The following ADGRA3 variants were observed in gnomAD, a reference collection of about 807,000 sequenced individuals.
ADGRA3 encodes the protein G-protein coupled receptor 125.
Under a neutral mutation model 119.8 loss-of-function variants are expected in ADGRA3, and 56 were observed. That is an observed-to-expected ratio of 0.47 (90% confidence interval 0.38 to 0.58). The LOEUF is 0.58. ADGRA3 is among the 20% of genes least tolerant of loss of function. The pLI is 0.00. For synonymous variants in ADGRA3, 607 were observed against 623.8 expected, an observed-to-expected ratio of 0.97 and a Z score of 0.40; for missense variants, 1,516 against 1,649.0, an observed-to-expected ratio of 0.92 and a Z score of 1.40.
At chr4:22,466,159 C>T (rs1005710039) in intron 2 of ADGRA3, among the ~76,000 whole-genome samples, 3 of 152,164 alleles carry the variant, frequency 2.0e-5, no homozygotes, top group African/African-American at 7.2e-5. Flanking sequence ...CCAAGGATAC[C>T]CGTGGTCCCA....
chr4:22,515,474 A>T, intron 1 of ADGRA3, 54 bp downstream of exon 1: 2 of 1,572,274 alleles, frequency 1.3e-6, no homozygotes, highest in South Asian at 2.3e-5. Flanking sequence ...AGTTGAGCGG[A>T]GAGATAAGAA....
At chr4:22,480,334 C>A (rs1426989839) in intron 1 of ADGRA3, among the ~76,000 whole-genome samples, 3 of 152,074 alleles carry the variant, frequency 2.0e-5, no homozygotes, top group Non-Finnish European at 2.9e-5. Context: ...TGTGATCACA[C>A]ATTTTATATT....
intron 2 of ADGRA3, among the ~76,000 whole-genome samples, chr4:22,466,723 A>C (rs1236023235): frequency 6.6e-6 from 1 of 151,822 alleles, no homozygotes; most frequent in Non-Finnish European, 1.5e-5. Context: ...AAAAAAAAAA[A>C]CTTGTGAACA....
At chr4:22,409,512 TA>T (rs1416523913) in intron 14 of ADGRA3, among the ~76,000 whole-genome samples, 1 of 152,200 alleles carries the variant, frequency 6.6e-6, no homozygotes, top group Non-Finnish European at 1.5e-5. Context: ...GCATGGCATT[TA>T]ACCTCTCTCT....
chr4:22,458,480 T>C (rs13109198), intron 3 of ADGRA3, among the ~76,000 whole-genome samples: 1 of 152,168 alleles, frequency 6.6e-6, no homozygotes, highest in Non-Finnish European at 1.5e-5. Context: ...TCCAGACTCT[T>C]GGTCGGTGTT....
chr4:22,510,493 T>C lies in ADGRA3; in HGVS notation c.257+5035A>G, dbSNP rs374155871. ...TCAGCCTCCTGTTCATGTTCCTCTATGTTCTAGTGTGGTTCTGCCTGGGTC... is the reference window on the plus strand; with the variant it reads ...TCAGCCTCCTGTTCATGTTCCTCTACGTTCTAGTGTGGTTCTGCCTGGGTC... On this transcript the variant is annotated intron_variant, in intron 1 of 18. Coordinates refer to ENST00000334304, the MANE Select transcript of ADGRA3 (RefSeq NM_145290.4). Among the ~76,000 whole-genome samples, 27 of 152,148 alleles carry C rather than the reference T, an allele frequency of 1.8e-4. 1 individual carries two copies. The South Asian group carries it at 4.6e-3, about 26-fold the overall frequency.
At chr4:22,449,518 A>G (rs1338445803) in intron 4 of ADGRA3, among the ~76,000 whole-genome samples, 1 of 152,104 alleles carries the variant, frequency 6.6e-6, no homozygotes, top group Non-Finnish European at 1.5e-5. Context: ...CATAACAGTA[A>G]GTTAGAAATA....
In ADGRA3 at chr4:22,438,353, G is replaced by T; in HGVS notation, c.988C>A (p.Arg330Ser). 2 of 1,613,402 alleles carry T rather than the reference G, an allele frequency of 1.2e-6. No individual in the cohort carries two copies. The highest frequency in any genetic ancestry group is 1.7e-6 in the Non-Finnish European group (2 of 1,179,572). ...GNWGCHVQTK[R>S]GNNTRTVDIV... ...TCCACAGTCCTCGTATTATTCCCAC[G>T]TTTGGTCTGGACATGACAGCCCCAA... The change falls in exon 8 of 19, where the codon CGT (arginine) becomes AGT (serine). Residue 330 changes from arginine to serine, a missense_variant. Transcript: ENST00000334304.
intron 1 of ADGRA3, among the ~76,000 whole-genome samples, chr4:22,498,013 A>C (rs1267349865): frequency 6.7e-6 from 1 of 150,370 alleles, no homozygotes; most frequent in Non-Finnish European, 1.5e-5. Flanking sequence ...GGCCGAGGCA[A>C]GCGGATCATC....
intron 1 of ADGRA3, among the ~76,000 whole-genome samples, chr4:22,488,422 G>A (rs1718510452): frequency 6.6e-6 from 1 of 152,024 alleles, no homozygotes; most frequent in Non-Finnish European, 1.5e-5. Context: ...AGGCTGTGGA[G>A]ATCTGACATC....
intron 4 of ADGRA3, among the ~76,000 whole-genome samples, chr4:22,450,989 C>G (rs1267040919): frequency 7.1e-6 from 1 of 141,276 alleles, no homozygotes; most frequent in Non-Finnish European, 1.5e-5. Flanking sequence ...ATCATTAATA[C>G]AAGTTATCTC....
intron 8 of ADGRA3, among the ~76,000 whole-genome samples, chr4:22,437,727 C>T (rs1377571471): frequency 3.3e-5 from 5 of 152,198 alleles, no homozygotes; most frequent in Non-Finnish European, 5.9e-5. Context: ...CCCCAAGTTT[C>T]AGGCTACCCA....
intron 4 of ADGRA3, 125 bp from the exon 5 acceptor site, chr4:22,447,636 T>A: frequency 1.8e-6 from 1 of 549,886 alleles, no homozygotes; most frequent in Admixed American, 3.9e-5. Context: ...AAAGTTTCAA[T>A]GCTTATAAAG....
intron 14 of ADGRA3, among the ~76,000 whole-genome samples, chr4:22,403,248 C>T (rs957761474): frequency 6.6e-6 from 1 of 152,054 alleles, no homozygotes; most frequent in Non-Finnish European, 1.5e-5. Context: ...CCAAGTTCAA[C>T]TTCAAGTTCC....
chr4:22,438,236 G>T lies in ADGRA3; in HGVS notation c.1085+20C>A, dbSNP rs77676946. On this transcript the variant is annotated intron_variant, in intron 8 of 18. Transcript: ENST00000334304. The stretch of plus-strand genomic sequence containing the variant: ...TCTGGGACAAATTAAACTTTTCCCC[G>T]TATTTTCCACAACACTGACCTGAAG... 6.9e-6 allele frequency: 11 copies of T among 1,597,864 alleles called. No individual in the cohort carries two copies. The South Asian group carries it at 7.8e-5, about 11-fold the overall frequency.
At position 22,388,667 on chromosome 4, in the gene ADGRA3, T is replaced by C. The variant is rs113103104; in HGVS notation, c.3004A>G (p.Thr1002Ala). The part of the protein sequence containing the change: ...FHSQLLGASL[T>A]LLLYVALWMF... ...CACAGTGCAACATATAAGAGCAAAG[T>C]AAGGCTGGCCCCCAAGAGCTGAGAA... Residue 1002 changes from threonine to alanine, a missense_variant, in exon 19 of 19, where the codon ACT becomes GCT. By Grantham distance (58) the Thr-to-Ala change is moderately conservative. This residue lies in a region of ADGRA3 where 1,088 missense variants were observed against 1,107.1 expected (regional missense o/e 0.98). Coordinates refer to ENST00000334304, the MANE Select transcript of ADGRA3 (RefSeq NM_145290.4). The C allele has an allele frequency of 1.2e-6, 2 of 1,614,056 alleles. No homozygotes were observed. Among genetic ancestry groups the C allele is most frequent in the African/African-American group, 1.3e-5 (1 of 75,046 alleles).
chr4:22,411,224 TCA>T (rs1195641267), intron 14 of ADGRA3, among the ~76,000 whole-genome samples: 3 of 152,372 alleles, frequency 2.0e-5, no homozygotes, highest in East Asian at 3.9e-4. Context: ...CATCAGTACA[TCA>T]CAGTTTATTT....
chr4:22,495,215 A>C (rs1392787645), intron 1 of ADGRA3, among the ~76,000 whole-genome samples: 4 of 151,952 alleles, frequency 2.6e-5, no homozygotes, highest in Admixed American at 6.6e-5. Context: ...GGTCTGATTC[A>C]AGTTCCAGGC....
intron 16 of ADGRA3, chr4:22,393,837 T>C (rs1714239535): frequency 6.6e-6 from 1 of 152,172 alleles, no homozygotes; most frequent in Admixed American, 6.5e-5. Flanking sequence ...AGGGGTTTCG[T>C]AGGAATTGAA....
Sources: allele counts gnomAD v4.1 joint callset (sites outside exome capture counted in the v4.1 genomes callset), GRCh38; gene constraint gnomAD v4.1.1; regional missense constraint gnomAD v4.1.1; transcripts MANE v1.5; gene names NCBI Gene and HGNC (gene_info 2026-07-23, HGNC 2026-07-21).